Variants in AGBL2 observed in about 807,000 individuals in gnomAD.
The protein encoded by AGBL2 is AGBL carboxypeptidase 2.
In AGBL2, 87 loss-of-function variants were observed where a neutral mutation model predicts 103.0. The observed-to-expected ratio is 0.84, with a 90% CI of 0.71 to 1.01. AGBL2 has a LOEUF of 1.01. Ranked by LOEUF, AGBL2 falls within the 50% of genes least tolerant of loss-of-function variation. The probability of loss-of-function intolerance (pLI) is 0.00; values close to 1 mark genes in which losing one functional copy is unlikely to be tolerated. For missense variants in AGBL2, 904 were observed against 1,023.5 expected (o/e 0.88, Z 1.59); for synonymous variants, 335 against 356.7 (o/e 0.94, Z 0.69).
intron 18 of AGBL2, among the ~76,000 whole-genome samples, 173 bp downstream of exon 18, chr11:47,662,850 AGTG>A (rs2097331642): frequency 6.6e-6 from 1 of 152,212 alleles, no homozygotes; most frequent in African/African-American, 2.4e-5. Flanking sequence ...CTGAATGGTC[AGTG>A]GTAACTGTAG....
chr11:47,672,376 G>C (rs561396713), intron 14 of AGBL2, among the ~76,000 whole-genome samples: 2 of 151,990 alleles, frequency 1.3e-5, no homozygotes, highest in East Asian at 3.9e-4. Flanking sequence ...GTGCAGTAGT[G>C]CAATCTTGAC....
Position 47,666,958 on chromosome 11 carries a change from C to T in AGBL2, c.2446G>A (p.Glu816Lys). 2 of 1,599,788 alleles carry T rather than the reference C, an allele frequency of 1.3e-6. No homozygotes were observed. The highest frequency in any genetic ancestry group is 4.5e-5 in the East Asian group (2 of 44,786). ...PMKNENPRLN[E>K]TNLNRRDKDT... ...AGAGTCAAAAACAAAAATACTACCT[C>T]ATTTAACCTTGGGTTTTCATTTTTC... Residue 816 changes from glutamate (E) to lysine (K), a missense_variant and splice_region_variant, in exon 17 of 19, where the codon GAG becomes AAG. Physicochemically the swap from Glu to Lys is moderately conservative, Grantham distance 56 (BLOSUM62 1). Coordinates refer to ENST00000525123, the MANE Select transcript of AGBL2 (RefSeq NM_024783.4).
intron 3 of AGBL2, among the ~76,000 whole-genome samples, chr11:47,711,895 A>T (rs945043040): frequency 2.0e-5 from 3 of 152,172 alleles, no homozygotes; most frequent in African/African-American, 7.2e-5. Context: ...TGAGCAACAT[A>T]GTAAGACCAT....
intron 9 of AGBL2, among the ~76,000 whole-genome samples, chr11:47,691,729 A>AAAAAAAAAAAATATATATAT: frequency 2.1e-4 from 1 of 4,856 alleles, no homozygotes; most frequent in African/African-American, 7.2e-4. Flanking sequence ...AAAAAAAAAA[A>AAAAAAAAAAAATATATATAT]ATATATATAT....
intron 4 of AGBL2, among the ~76,000 whole-genome samples, chr11:47,707,511 G>A (rs146420170): frequency 8.5e-5 from 13 of 152,226 alleles, no homozygotes; most frequent in South Asian, 6.2e-4. Flanking sequence ...ATCTGATCTC[G>A]TGAGACTTAT....
At chr11:47,699,388 T>C in intron 8 of AGBL2, 58 bp downstream of exon 8, 1 of 955,590 alleles carries the variant, frequency 1.0e-6, no homozygotes, top group East Asian at 2.7e-5. Flanking sequence ...TTATGGAACA[T>C]ATGTTTATTA....
intron 7 of AGBL2, among the ~76,000 whole-genome samples, chr11:47,702,248 C>T (rs1331911203): frequency 1.3e-5 from 2 of 152,138 alleles, no homozygotes; most frequent in Non-Finnish European, 2.9e-5. Flanking sequence ...CTATGGTTGC[C>T]CAAGCATGCC....
intron 6 of AGBL2, chr11:47,704,959 G>A (rs2097512366): frequency 1.3e-5 from 5 of 373,766 alleles, no homozygotes; most frequent in Non-Finnish European, 2.4e-5. Context: ...TAAAGCTTTA[G>A]GGTAAATTAA....
intron 14 of AGBL2, among the ~76,000 whole-genome samples, chr11:47,675,633 C>T (rs2097372395): frequency 6.6e-6 from 1 of 152,036 alleles, no homozygotes; most frequent in African/African-American, 2.4e-5. Context: ...AAGTGATCCG[C>T]CTGCCTTGGC....
intron 17 of AGBL2, among the ~76,000 whole-genome samples, chr11:47,663,916 G>A (rs147925324): frequency 1.5e-4 from 23 of 151,544 alleles, no homozygotes; most frequent in East Asian, 9.7e-4. Context: ...TTGCAATGGC[G>A]CAATCTTGGC....
intron 10 of AGBL2, among the ~76,000 whole-genome samples, chr11:47,687,779 C>A (rs1227991868): frequency 2.7e-5 from 4 of 150,424 alleles, no homozygotes; most frequent in Admixed American, 6.7e-5. Context: ...TAAGGTATTT[C>A]TTTCTTTCTT....
chr11:47,691,639 C>T (rs528694850), intron 9 of AGBL2, among the ~76,000 whole-genome samples: 69 of 140,098 alleles, frequency 4.9e-4, no homozygotes, highest in Admixed American at 2.2e-3. Context: ...ACCTGGGAGG[C>T]GGAGCTTGCA....
intron 3 of AGBL2, among the ~76,000 whole-genome samples, chr11:47,713,911 T>G (rs544269760): frequency 1.3e-5 from 2 of 152,054 alleles, no homozygotes; most frequent in East Asian, 3.9e-4. Context: ...ATTTATATAG[T>G]AAGGCAAAGA....
At chr11:47,692,543 C>G (rs2097451837) in intron 8 of AGBL2, among the ~76,000 whole-genome samples, 1 of 149,620 alleles carries the variant, frequency 6.7e-6, no homozygotes, top group African/African-American at 2.5e-5. Flanking sequence ...TCCCGAGTAG[C>G]TGGGACTACA....
At chr11:47,685,837 G>A in intron 11 of AGBL2, 56 bp downstream of exon 11, 2 of 1,508,284 alleles carry the variant, frequency 1.3e-6, no homozygotes, top group Non-Finnish European at 1.8e-6. Context: ...CATATAGGAA[G>A]CAGTGAGTTC....
rs537223135 is a variant in AGBL2 at position 47,704,844 on chromosome 11, T to G, written c.401-116A>C. The stretch of plus-strand genomic sequence containing the variant: ...TTATATTAAAATATTAGCACAGATA[T>G]GTGATTCTCTGACATGTTTCTCCTT... On this transcript the variant is annotated intron_variant, in intron 6 of 18. Coordinates refer to ENST00000525123, the MANE Select transcript of AGBL2 (RefSeq NM_024783.4). The G allele has an allele frequency of 2.3e-5, 17 of 740,314 alleles. No individual in the cohort carries two copies. The East Asian group carries it at 4.1e-4, about 18-fold the overall frequency. The allele number at this position is 740,314 out of a possible 1,614,324, so 45.9% of individuals were successfully genotyped here.
In AGBL2 at chr11:47,669,248, T is replaced by A. The variant is rs1430870974; in HGVS notation, c.2148-341A>T. ...ATGCCTGGCTAATTTTTAAAATTCT[T>A]GTAGTCACAGGATCCCACTATGTTG... On this transcript the variant is annotated intron_variant, in intron 14 of 18. Transcript: ENST00000525123. Among the ~76,000 whole-genome samples, 5 of 152,292 alleles carry A rather than the reference T, an allele frequency of 3.3e-5. No individual in the cohort carries two copies. The East Asian group carries it at 9.7e-4, about 29-fold the overall frequency.
At chr11:47,704,975 T>C in intron 6 of AGBL2, 1 of 329,762 alleles carries the variant, frequency 3.0e-6, no homozygotes, top group Non-Finnish European at 5.4e-6. Flanking sequence ...ATTAAAAACC[T>C]TTTAAAAATT....
At chr11:47,668,227 G>T (rs1366930438) in intron 15 of AGBL2, among the ~76,000 whole-genome samples, 2 of 117,296 alleles carry the variant, frequency 1.7e-5, no homozygotes, top group Non-Finnish European at 3.7e-5. Flanking sequence ...AAAAAAAAAA[G>T]GCCCAGTGCA....
Sources: allele counts gnomAD v4.1 joint callset (sites outside exome capture counted in the v4.1 genomes callset), GRCh38; gene constraint gnomAD v4.1.1; transcripts MANE v1.5; gene names NCBI Gene and HGNC (gene_info 2026-07-23, HGNC 2026-07-21).